The following ZNF160 variants were observed in gnomAD, a reference collection of about 807,000 sequenced individuals.
The protein encoded by ZNF160 is KRAB zinc finger protein KR18.
In ZNF160, 9 loss-of-function variants were observed where a neutral mutation model predicts 13.1. The ratio of observed to expected loss-of-function variants is 0.69; its 90% confidence interval spans 0.41 to 1.20. The LOEUF (loss-of-function observed/expected upper bound fraction) is 1.20. ZNF160 is among the 50% of genes most tolerant of loss of function. The pLI, the probability that ZNF160 is intolerant of heterozygous loss-of-function variation, is 0.01. For synonymous variants in ZNF160, 293 were observed against 333.2 expected, an observed-to-expected ratio of 0.88 and a Z score of 1.31; for missense variants, 838 against 988.0, an observed-to-expected ratio of 0.85 and a Z score of 2.04.
intron 2 of ZNF160, 88 bp downstream of exon 2, chr19:53,091,325 C>T (rs10407016): frequency 0.35 from 52,663 of 151,996 alleles, 9,399 homozygotes; most frequent in African/African-American, 0.38. Context: ...CATATATACA[C>T]ATATGTCTCT....
chr19:53,073,318 G>C, intron 5 of ZNF160: 12 of 1,591,312 alleles, frequency 7.5e-6, no homozygotes, highest in Non-Finnish European at 1.0e-5. Context: ...GTGTCTTTAC[G>C]GTTATGCTGA....
Position 53,069,725 on chromosome 19 carries a change from G to A in ZNF160, c.809C>T (p.Ser270Leu), listed in dbSNP as rs1409529425. Residue 270 changes from serine (S) to leucine (L), a missense_variant, in exon 6 of 6, where the codon TCG becomes TTG. Physicochemically the swap from Ser to Leu is moderately radical, Grantham distance 145. Coordinates refer to ENST00000683776, the MANE Select transcript of ZNF160 (RefSeq NM_001322131.2). This position sits in a 1 kb window ranked among gnomAD's most constrained non-coding sequence, Gnocchi z 4.4. ...AATTCTCCTATGACTTGTAAGGTTC[G>A]AATTCTGAGTGAACGCCTTGCCACA... is the stretch of plus-strand genomic sequence containing the variant. ...NECGKAFTQN[S>L]NLTSHRRIHS... 3.7e-6 allele frequency: 6 copies of A among 1,614,060 alleles called. No homozygotes were observed. Among genetic ancestry groups the A allele is most frequent in the South Asian group, 1.1e-5 (1 of 91,070 alleles).
intron 5 of ZNF160, among the ~76,000 whole-genome samples, chr19:53,073,875 T>G (rs926842618): frequency 2.0e-5 from 3 of 152,108 alleles, no homozygotes; most frequent in Non-Finnish European, 4.4e-5. Context: ...AACCTCCACC[T>G]CCCGGGTTCA....
At chr19:53,080,922 C>T (rs1353228656) in intron 3 of ZNF160, among the ~76,000 whole-genome samples, 2 of 152,116 alleles carry the variant, frequency 1.3e-5, no homozygotes, top group African/African-American at 4.8e-5. Flanking sequence ...AGGCCCACAC[C>T]TCCAACCAAC....
chr19:53,069,264 G>C lies in ZNF160; in HGVS notation c.1270C>G (p.Pro424Ala), dbSNP rs2084074145. 1 of 1,612,296 alleles carries C rather than the reference G, an allele frequency of 6.2e-7. No homozygotes were observed. Among genetic ancestry groups the C allele is most frequent in the South Asian group, 1.1e-5 (1 of 91,042 alleles). The part of the protein sequence containing the change: ...IHQTIHTGEK[P>A]YKCNECGKVF... ...TTGCCACATTCATTACATTTGTAAG[G>C]TTTTTCTCCAGTGTGGATTGTCTGA... The change falls in exon 6 of 6, where the codon CCT (proline) becomes GCT (alanine). Residue 424 changes from proline to alanine, a missense_variant. Transcript: ENST00000683776. This position sits in a 1 kb window ranked among gnomAD's most constrained non-coding sequence, Gnocchi z 4.4.
At position 53,091,628 on chromosome 19, in the gene ZNF160, G is replaced by C. The variant is rs542301663; in HGVS notation, c.-261C>G. On this transcript the variant is annotated 5_prime_UTR_variant, in exon 2 of 6. Transcript: ENST00000683776. ...AGTCTGTTTCCAGAGCTTTGGAGGAGAGACCTACCAGCGAGGCTGAAGCCA... is the reference window on the plus strand; with the variant it reads ...AGTCTGTTTCCAGAGCTTTGGAGGACAGACCTACCAGCGAGGCTGAAGCCA... 1.1e-4 allele frequency: 16 copies of C among 152,366 alleles called. No individual in the cohort carries two copies. The highest frequency in any genetic ancestry group is 3.6e-4 in the African/African-American group (15 of 41,588). 9.4% of individuals were successfully genotyped at this position (152,366 alleles called of 1,614,324 possible).
rs2145424768 is a variant in ZNF160 at position 53,068,479 on chromosome 19, G to C, written c.2055C>G (p.Val685=). ...KPYKCNQCGK[V]FTQNSHLANH... is the part of the protein sequence containing the mutation. ...TTGCAAGGTGTGAGTTCTGAGTGAA[G>C]ACCTTGCCACATTGATTACATTTGT... Residue 685 remains valine, a synonymous_variant, in exon 6 of 6, where the codon GTC becomes GTG. Coordinates refer to ENST00000683776, the MANE Select transcript of ZNF160 (RefSeq NM_001322131.2). 6.2e-7 allele frequency: 1 copy of C among 1,613,690 alleles called. No homozygotes were observed.
At position 53,068,071 on chromosome 19, in the gene ZNF160, C is replaced by G; in HGVS notation, c.*6G>C. On this transcript the variant is annotated 3_prime_UTR_variant, in exon 6 of 6. Coordinates refer to ENST00000683776, the MANE Select transcript of ZNF160 (RefSeq NM_001322131.2). ...GAGTGAATTGTACCTAATGACCTCACCACACTCATTTGTAAGGTTTCTCTC... is the reference window on the plus strand; with the variant it reads ...GAGTGAATTGTACCTAATGACCTCAGCACACTCATTTGTAAGGTTTCTCTC... 2.5e-6 allele frequency: 4 copies of G among 1,592,464 alleles called. No individual in the cohort carries two copies. Among genetic ancestry groups the G allele is most frequent in the Non-Finnish European group, 3.4e-6 (4 of 1,168,736 alleles).
Position 53,069,380 on chromosome 19 carries a change from A to G in ZNF160, c.1154T>C (p.Ile385Thr), listed in dbSNP as rs770887710. The G allele has an allele frequency of 6.2e-7, 1 of 1,613,004 alleles. No individual in the cohort carries two copies. Among genetic ancestry groups the G allele is most frequent in the Non-Finnish European group, 8.5e-7 (1 of 1,179,700 alleles). The change falls in exon 6 of 6, where the codon ATA becomes ACA. Residue 385 changes from isoleucine to threonine, a missense_variant. Transcript: ENST00000683776. This position sits in a 1 kb window ranked among gnomAD's most constrained non-coding sequence, Gnocchi z 4.4. ...GKLFTQNSHLISHWRIHTGEK... is the reference protein window; with the variant it reads ...GKLFTQNSHLTSHWRIHTGEK... ...TCCAGTGTGAATTCTCCAATGACTT[A>G]TAAGGTGTGAATTTTGAGTGAAGAG...
At chr19:53,075,778 TCAAG>T (rs780593277) in intron 3 of ZNF160, 4 of 519,026 alleles carry the variant, frequency 7.7e-6, no homozygotes, top group Non-Finnish European at 1.5e-5. Context: ...TGTGAGCCAC[TCAAG>T]CAAACTAATC....
At chr19:53,070,331 A>T (rs2084122047) in intron 5 of ZNF160, 69 bp from the exon 6 acceptor site, 3 of 1,382,874 alleles carry the variant, frequency 2.2e-6, no homozygotes, top group African/African-American at 2.9e-5. Context: ...TTACATTGAA[A>T]ACATATTCCA....
At chr19:53,088,152 G>A (rs1373838527) in intron 2 of ZNF160, among the ~76,000 whole-genome samples, 1 of 152,166 alleles carries the variant, frequency 6.6e-6, no homozygotes, top group East Asian at 1.9e-4. Flanking sequence ...GTGGCAAGAA[G>A]ATTGAATAGA....
chr19:53,099,078 C>T lies in ZNF160; in HGVS notation c.-354+4187G>A, dbSNP rs1197205743. Among the ~76,000 whole-genome samples the T allele has an allele frequency of 4.1e-5, 5 of 121,644 alleles. No individual in the cohort carries two copies. The South Asian group carries it at 7.1e-4, about 17-fold the overall frequency. The allele number at this position is 121,644 out of a possible 152,430, so 79.8% of individuals were successfully genotyped here. ...ACAACCCCAGAGCAGGTGCTGCAGTCGTCCCGTGGCCAAGATGGAGACACA... is the reference window on the plus strand; with the variant it reads ...ACAACCCCAGAGCAGGTGCTGCAGTTGTCCCGTGGCCAAGATGGAGACACA... On this transcript the variant is annotated intron_variant, in intron 1 of 5. Transcript: ENST00000683776.
intron 3 of ZNF160, among the ~76,000 whole-genome samples, chr19:53,084,221 T>G (rs1219124422): frequency 6.6e-6 from 1 of 151,024 alleles, no homozygotes; most frequent in Admixed American, 6.6e-5. Flanking sequence ...CTCAACCCCC[T>G]GGTACGTAAG....
chr19:53,074,149 C>T lies in ZNF160; in HGVS notation c.262G>A (p.Val88Met), dbSNP rs764326116. Reference sequence around the variant, plus strand: ...CCATCTGAGCTCTTACCTGTGACCACGCCTTTGACACATTCCGGCGTTCTT... The same window carrying T: ...CCATCTGAGCTCTTACCTGTGACCATGCCTTTGACACATTCCGGCGTTCTT... Reference protein sequence around the residue: ...KPRTPECVKGVVTDIPPKCTI... With the variant: ...KPRTPECVKGMVTDIPPKCTI... The change falls in exon 5 of 6, where the codon GTG becomes ATG. Residue 88 changes from valine (V) to methionine (M), a missense_variant. Transcript: ENST00000683776. 26 of 1,613,848 alleles carry T rather than the reference C, an allele frequency of 1.6e-5. No homozygotes were observed. The Admixed American group carries it at 1.7e-4, about 10-fold the overall frequency.
rs773393585 is a variant in ZNF160, at chr19:53,075,136, C to T, written c.63G>A (p.Glu21=). ...RDVAIEFSQE[E]WKCLDPAQRI... is the part of the protein sequence containing the mutation. ...TCTGAGCAGGGTCCAGGCATTTCCA[C>T]TCCTCCTGAGAGAATTCTATGGCCA... The change falls in exon 4 of 6, where the codon GAG becomes GAA. Residue 21 remains glutamate, a synonymous_variant. Transcript: ENST00000683776. 2 of 1,614,244 alleles carry T rather than the reference C, an allele frequency of 1.2e-6. No homozygotes were observed. Among genetic ancestry groups the T allele is most frequent in the South Asian group, 2.2e-5 (2 of 91,086 alleles).
At chr19:53,074,296 G>C (rs747848472) in intron 4 of ZNF160, 28 bp from the exon 5 acceptor site, 2 of 1,611,378 alleles carry the variant, frequency 1.2e-6, no homozygotes, top group Non-Finnish European at 1.7e-6. Context: ...GGATCACAAT[G>C]TGCCGGGGCT....
chr19:53,071,175 G>A (rs571134654), intron 5 of ZNF160, among the ~76,000 whole-genome samples: 183 of 151,880 alleles, frequency 1.2e-3, no homozygotes, highest in Non-Finnish European at 2.1e-3. Flanking sequence ...CAACCTGGGC[G>A]ACAAAGCAAG....
rs74176201 is a variant in ZNF160 at position 53,098,951 on chromosome 19, G to A, written c.-354+4314C>T. Among the ~76,000 whole-genome samples the A allele has an allele frequency of 9.9e-3, 1,449 of 145,860 alleles. 105 individuals are homozygous for A. The highest frequency in any genetic ancestry group is 0.038 in the African/African-American group (1,348 of 35,616). On this transcript the variant is annotated intron_variant, in intron 1 of 5. Coordinates refer to ENST00000683776, the MANE Select transcript of ZNF160 (RefSeq NM_001322131.2). ...GCCACAGGAAGTTTAGACCAATTAC[G>A]GATGAAATTTCCAGAATATGAGACC...
Sources: gnomAD v4.1 joint callset for allele counts (sites outside exome capture counted in the v4.1 genomes callset) on GRCh38, gnomAD v4.1.1 for gene constraint, Gnocchi (gnomAD v3.1) non-coding constraint, MANE v1.5 for transcripts, NCBI Gene and HGNC (gene_info 2026-07-23, HGNC 2026-07-21) for gene names.